Variants in PAN3 observed in about 807,000 individuals in gnomAD.
The protein encoded by PAN3 is PAN2-PAN3 deadenylation complex subunit PAN3.
A neutral mutation model predicts 96.2 loss-of-function variants in PAN3; 19 were observed. The observed-to-expected ratio is 0.20, with a 90% confidence interval of 0.14 to 0.29. The LOEUF (loss-of-function observed/expected upper bound fraction) is 0.29, where lower values mean the gene tolerates loss of function less well. Among genes scored for constraint, PAN3 ranks in the 10% least tolerant of loss-of-function variants. The pLI, the probability that PAN3 is intolerant of heterozygous loss-of-function variation, is 1.00. For synonymous variants in PAN3, 433 were observed against 406.6 expected (o/e 1.06, Z -0.78); for missense variants, 882 against 1,108.1 (o/e 0.80, Z 2.90).
intron 9 of PAN3, among the ~76,000 whole-genome samples, chr13:28,261,685 T>A (rs1885737028): frequency 6.6e-6 from 1 of 151,946 alleles, no homozygotes; most frequent in Admixed American, 6.6e-5. Flanking sequence ...ATAAATTAGC[T>A]GGGAGTGGTG....
intron 4 of PAN3, among the ~76,000 whole-genome samples, chr13:28,195,222 A>G (rs868561413): frequency 3.2e-4 from 48 of 151,950 alleles, no homozygotes; most frequent in African/African-American, 1.1e-3. Flanking sequence ...GGGTGACATA[A>G]TGAAACCCCA....
intron 3 of PAN3, among the ~76,000 whole-genome samples, chr13:28,177,008 G>A (rs1003149875): frequency 6.6e-6 from 1 of 151,988 alleles, no homozygotes; most frequent in Non-Finnish European, 1.5e-5. Context: ...GAGAAATGAA[G>A]CAGCAGTCTA....
At chr13:28,272,167 T>A in intron 14 of PAN3, 96 bp downstream of exon 14, 2 of 864,384 alleles carry the variant, frequency 2.3e-6, no homozygotes, top group Non-Finnish European at 3.4e-6. Flanking sequence ...GCCTAGATTT[T>A]AATTTATTTT....
At chr13:28,185,930 C>A (rs1876404779) in intron 4 of PAN3, among the ~76,000 whole-genome samples, 1 of 152,042 alleles carries the variant, frequency 6.6e-6, no homozygotes, top group South Asian at 2.1e-4. Context: ...ATAGCTCATC[C>A]CTATTTTCCT....
chr13:28,242,571 A>G (rs1883775824), intron 6 of PAN3, among the ~76,000 whole-genome samples: 1 of 152,208 alleles, frequency 6.6e-6, no homozygotes, highest in African/African-American at 2.4e-5. Flanking sequence ...GAAAATCTTC[A>G]TCAAGAAGGT....
chr13:28,264,689 T>G (rs1413297814), intron 9 of PAN3, among the ~76,000 whole-genome samples: 3 of 152,210 alleles, frequency 2.0e-5, no homozygotes, highest in Non-Finnish European at 4.4e-5. Context: ...AATTGCTCTG[T>G]TCTTTGTATT....
Position 28,176,483 on chromosome 13 carries a change from T to G in PAN3, c.553-10T>G, listed in dbSNP as rs1593413836. On this transcript the variant is annotated splice_polypyrimidine_tract_variant and intron_variant, in intron 2 of 18. Transcript: ENST00000380958. ...TCAGTGATGTTATAAATAAATATTTTGTTTTTCAGAGAATGACTAATAGTA... is the reference window on the plus strand; with the variant it reads ...TCAGTGATGTTATAAATAAATATTTGGTTTTTCAGAGAATGACTAATAGTA... 1.9e-6 allele frequency: 3 copies of G among 1,610,084 alleles called. No individual in the cohort carries two copies. The East Asian group carries it at 6.7e-5, about 36-fold the overall frequency.
intron 6 of PAN3, among the ~76,000 whole-genome samples, chr13:28,233,268 CTT>C (rs773196328): frequency 7.6e-6 from 1 of 132,358 alleles, no homozygotes; most frequent in Non-Finnish European, 1.6e-5. Flanking sequence ...AATTATGACA[CTT>C]TTTTTTTTTT....
chr13:28,231,156 G>T (rs890020035), intron 6 of PAN3, among the ~76,000 whole-genome samples: 8 of 152,276 alleles, frequency 5.3e-5, no homozygotes, highest in Non-Finnish European at 1.2e-4. Flanking sequence ...CCTGATGCTG[G>T]TTTTTTAAAA....
At chr13:28,145,728 T>C (rs930010699) in intron 1 of PAN3, among the ~76,000 whole-genome samples, 7 of 151,412 alleles carry the variant, frequency 4.6e-5, no homozygotes, top group Non-Finnish European at 8.8e-5. Flanking sequence ...GTAGCTGGGG[T>C]GACAGGTGGA....
At chr13:28,249,461 T>C (rs1176418270) in intron 6 of PAN3, among the ~76,000 whole-genome samples, 1 of 152,136 alleles carries the variant, frequency 6.6e-6, no homozygotes, top group Non-Finnish European at 1.5e-5. Flanking sequence ...TATTATTTTT[T>C]TTTTTGAGGT....
chr13:28,156,992 C>CA (rs35448291), intron 1 of PAN3, among the ~76,000 whole-genome samples: 5,300 of 18,362 alleles, frequency 0.29, 1,447 homozygotes, highest in East Asian at 0.34. Flanking sequence ...GAGACCCTGT[C>CA]AAAAAAAAAA....
intron 5 of PAN3, chr13:28,214,659 T>C: frequency 2.3e-6 from 1 of 440,106 alleles, no homozygotes; most frequent in African/African-American, 2.0e-5. Flanking sequence ...GCTGCTGAGA[T>C]GGGAAAGGGC....
intron 1 of PAN3, among the ~76,000 whole-genome samples, chr13:28,155,723 A>G (rs751430939): frequency 2.0e-5 from 3 of 152,338 alleles, no homozygotes; most frequent in South Asian, 4.1e-4. Flanking sequence ...CATCTCATAT[A>G]TACACACACA....
chr13:28,264,998 G>GT (rs2138639138), intron 9 of PAN3, among the ~76,000 whole-genome samples: 1 of 152,230 alleles, frequency 6.6e-6, no homozygotes, highest in African/African-American at 2.4e-5. Flanking sequence ...GGGTAAGAAC[G>GT]TAATATTTCT....
chr13:28,148,445 G>T (rs971238773), intron 1 of PAN3, among the ~76,000 whole-genome samples: 1 of 152,000 alleles, frequency 6.6e-6, no homozygotes, highest in Non-Finnish European at 1.5e-5. Context: ...ACCATGCCTG[G>T]TTATATATTT....
chr13:28,188,050 C>T lies in PAN3; in HGVS notation c.691-9135C>T, dbSNP rs554428616. Reference sequence around the variant, plus strand: ...ATCTATGTTTTATTAATCAGAACATCTTTACAAACTTGAAAAATAGTAGTA... The same window carrying T: ...ATCTATGTTTTATTAATCAGAACATTTTTACAAACTTGAAAAATAGTAGTA... On this transcript the variant is annotated intron_variant, in intron 4 of 18. Coordinates refer to ENST00000380958, the MANE Select transcript of PAN3 (RefSeq NM_175854.8). Among the ~76,000 whole-genome samples, 4 of 152,290 alleles carry T rather than the reference C, an allele frequency of 2.6e-5. No homozygotes were observed. In the South Asian group the frequency reaches 8.3e-4, roughly 32 times the overall value.
chr13:28,281,108 A>G (rs1887438987), intron 16 of PAN3, among the ~76,000 whole-genome samples: 1 of 152,174 alleles, frequency 6.6e-6, no homozygotes, highest in South Asian at 2.1e-4. Flanking sequence ...TCCAATTCCT[A>G]TGGACAGCTC....
At chr13:28,288,977 C>G (rs1869352351) in intron 18 of PAN3, among the ~76,000 whole-genome samples, 1 of 152,084 alleles carries the variant, frequency 6.6e-6, no homozygotes, top group South Asian at 2.1e-4. Context: ...CAGGCACCCA[C>G]CACCATGCCC....
Sources: allele counts gnomAD v4.1 joint callset (sites outside exome capture counted in the v4.1 genomes callset), GRCh38; gene constraint gnomAD v4.1.1; transcripts MANE v1.5; gene names NCBI Gene and HGNC (gene_info 2026-07-23, HGNC 2026-07-21).